The following EGLN1 variants were observed in gnomAD, a reference collection of about 807,000 sequenced individuals.
EGLN1 encodes egl nine homolog 1.
In EGLN1, 17 loss-of-function variants were observed where a neutral mutation model predicts 38.3. The observed-to-expected ratio is 0.44, with a 90% CI of 0.30 to 0.67. The LOEUF (loss-of-function observed/expected upper bound fraction) is 0.67. EGLN1 is among the 30% of genes least tolerant of loss of function. The pLI is 0.08. For missense variants in EGLN1, 477 were observed against 603.3 expected, an observed-to-expected ratio of 0.79 and a Z score of 2.19; for synonymous variants, 283 against 257.5, an observed-to-expected ratio of 1.10 and a Z score of -0.95.
At chr1:231,409,161 A>C (rs1246672087) in intron 1 of EGLN1, among the ~76,000 whole-genome samples, 1 of 151,920 alleles carries the variant, frequency 6.6e-6, no homozygotes, top group Non-Finnish European at 1.5e-5. Flanking sequence ...TTCTTCTAAA[A>C]CATCATGCTG....
In EGLN1 at chr1:231,364,133, T is replaced by A. The variant is rs2102886445; in HGVS notation, c.*2278A>T. 6.6e-6 allele frequency: 1 copy of A among 152,314 alleles called. No individual in the cohort carries two copies. Among genetic ancestry groups the A allele is most frequent in the African/African-American group, 2.4e-5 (1 of 41,564 alleles). 9.4% of individuals were successfully genotyped at this position (152,314 alleles called of 1,614,324 possible). A position where few individuals can be genotyped will look rare whatever the true frequency, so the allele number is the denominator to read the frequency against. ...TCACAATGATTCCTAAGAGAGTATA[T>A]AAACTTTTCCAAAAAATATACAATT... On this transcript the variant is annotated 3_prime_UTR_variant, in exon 5 of 5. Transcript: ENST00000366641.
chr1:231,390,536 C>T (rs566474829), intron 1 of EGLN1, among the ~76,000 whole-genome samples: 1 of 152,322 alleles, frequency 6.6e-6, no homozygotes, highest in South Asian at 2.1e-4. Flanking sequence ...CCTAAGTGGT[C>T]AGATAGACTG....
At chr1:231,408,306 G>A (rs1688845310) in intron 1 of EGLN1, among the ~76,000 whole-genome samples, 1 of 152,152 alleles carries the variant, frequency 6.6e-6, no homozygotes, top group South Asian at 2.1e-4. Context: ...GCTGGGAGGA[G>A]GAGAAGGGGA....
chr1:231,388,383 A>G (rs182203297), intron 1 of EGLN1, among the ~76,000 whole-genome samples: 3 of 152,248 alleles, frequency 2.0e-5, no homozygotes, highest in Admixed American at 2.0e-4. Context: ...ACTAACATTA[A>G]TAGTTAGTTT....
chr1:231,410,439 A>G (rs1688907351), intron 1 of EGLN1, among the ~76,000 whole-genome samples: 1 of 152,142 alleles, frequency 6.6e-6, no homozygotes, highest in Non-Finnish European at 1.5e-5. Context: ...ACCCTGACCA[A>G]TGTCCTGACT....
Position 231,422,196 on chromosome 1 carries a change from G to A in EGLN1, c.-308C>T, listed in dbSNP as rs542211420. ...CGCGGGCCTGGGGAGCGCAAGACCG[G>A]CCCCCTCGGCCGCCGCCGCCGCCTC... is the stretch of plus-strand genomic sequence containing the variant. On this transcript the variant is annotated 5_prime_UTR_variant, in exon 1 of 5. Transcript: ENST00000366641. 3.0e-4 allele frequency: 62 copies of A among 204,268 alleles called. No individual in the cohort carries two copies. Among genetic ancestry groups the A allele is most frequent in the African/African-American group, 1.4e-3 (59 of 43,098 alleles). The allele number at this position is 204,268 out of a possible 1,614,324, so 12.7% of individuals were successfully genotyped here.
chr1:231,391,084 TTTTTTTTTTGTGTG>T (rs1357724667), intron 1 of EGLN1, among the ~76,000 whole-genome samples: 2 of 23,784 alleles, frequency 8.4e-5, no homozygotes, highest in Non-Finnish European at 1.1e-4. Flanking sequence ...ACTCATTCTG[TTTTTTTTTTGTGTG>T]TGTGTGTGTG....
chr1:231,410,913 T>C (rs1430411760), intron 1 of EGLN1, among the ~76,000 whole-genome samples: 2 of 151,798 alleles, frequency 1.3e-5, no homozygotes, highest in Non-Finnish European at 2.9e-5. Context: ...AGGCATCCAT[T>C]TCAGAGTAGA....
At chr1:231,391,185 A>ACCACGACCGACGCGTGTGTGTGTGTG (rs1463818444) in intron 1 of EGLN1, among the ~76,000 whole-genome samples, 1 of 150,594 alleles carries the variant, frequency 6.6e-6, no homozygotes, top group Non-Finnish European at 1.5e-5. Flanking sequence ...TCATGGGCTC[A>ACCACGACCGACGCGTGTGTGTGTGTG]AGTGATCCTC....
chr1:231,402,229 A>T (rs1344894527), intron 1 of EGLN1, among the ~76,000 whole-genome samples: 4 of 152,072 alleles, frequency 2.6e-5, no homozygotes, highest in Non-Finnish European at 4.4e-5. Flanking sequence ...ATGCTTGTAA[A>T]TATTTTCTCT....
At chr1:231,412,619 T>A (rs149163765) in intron 1 of EGLN1, among the ~76,000 whole-genome samples, 2 of 152,336 alleles carry the variant, frequency 1.3e-5, no homozygotes, top group African/African-American at 4.8e-5. Flanking sequence ...GTAGAGCTGA[T>A]ACAAGCATAC....
chr1:231,376,925 G>C (rs537310681), intron 1 of EGLN1, among the ~76,000 whole-genome samples: 1 of 152,144 alleles, frequency 6.6e-6, no homozygotes, highest in Non-Finnish European at 1.5e-5. Context: ...GGAACACAGC[G>C]AGCACGGGCC....
chr1:231,383,316 C>G (rs1171646536), intron 1 of EGLN1, among the ~76,000 whole-genome samples: 1 of 152,014 alleles, frequency 6.6e-6, no homozygotes, highest in Non-Finnish European at 1.5e-5. Flanking sequence ...CAATAAAAAC[C>G]TAATACCCGT....
intron 1 of EGLN1, among the ~76,000 whole-genome samples, chr1:231,397,533 C>T (rs1339750946): frequency 6.6e-6 from 1 of 152,176 alleles, no homozygotes; most frequent in Non-Finnish European, 1.5e-5. Flanking sequence ...TCTATGGCTA[C>T]TTTCAAATTA....
At chr1:231,399,663 T>C (rs1035261321) in intron 1 of EGLN1, among the ~76,000 whole-genome samples, 2 of 151,964 alleles carry the variant, frequency 1.3e-5, no homozygotes, top group Admixed American at 1.3e-4. Flanking sequence ...CATTTACTTC[T>C]CTCAATAATC....
intron 1 of EGLN1, among the ~76,000 whole-genome samples, chr1:231,392,468 T>A (rs1204950427): frequency 6.6e-6 from 1 of 152,138 alleles, no homozygotes; most frequent in East Asian, 1.9e-4. Context: ...TCTGTCTGAT[T>A]CACTATATGC....
At chr1:231,410,444 C>T (rs1387935539) in intron 1 of EGLN1, among the ~76,000 whole-genome samples, 1 of 152,186 alleles carries the variant, frequency 6.6e-6, no homozygotes, top group Admixed American at 6.5e-5. Context: ...GACCAATGTC[C>T]TGACTGCAGC....
At chr1:231,373,681 T>C (rs560634812) in intron 2 of EGLN1, among the ~76,000 whole-genome samples, 82,120 of 147,020 alleles carry the variant, frequency 0.56, 23,941 homozygotes, top group Non-Finnish European at 0.65. Context: ...TGTGTGCGTG[T>C]GTGTGTGTGT....
At chr1:231,382,810 C>A (rs1262014705) in intron 1 of EGLN1, among the ~76,000 whole-genome samples, 1 of 152,174 alleles carries the variant, frequency 6.6e-6, no homozygotes, top group African/African-American at 2.4e-5. Flanking sequence ...GTAATCCCAG[C>A]ACCTTGGGAG....
Sources: allele counts gnomAD v4.1 joint callset (sites outside exome capture counted in the v4.1 genomes callset), GRCh38; gene constraint gnomAD v4.1.1; transcripts MANE v1.5; gene names NCBI Gene and HGNC (gene_info 2026-07-23, HGNC 2026-07-21).